PARD6G: variants seen among roughly 807,000 people sequenced by gnomAD.
PARD6G encodes par-6 family cell polarity regulator gamma.
Under a neutral mutation model 10.7 loss-of-function variants are expected in PARD6G, and 7 were observed. The observed-to-expected ratio is 0.66, with a 90% CI of 0.37 to 1.23. The LOEUF (loss-of-function observed/expected upper bound fraction) is 1.23, where lower values mean the gene tolerates loss of function less well. PARD6G is among the 50% of genes most tolerant of loss of function. The pLI, the probability that PARD6G is intolerant of heterozygous loss-of-function variation, is 0.02. For synonymous variants in PARD6G, 287 were observed against 269.4 expected, an observed-to-expected ratio of 1.07 and a Z score of -0.64; for missense variants, 548 against 571.8, an observed-to-expected ratio of 0.96 and a Z score of 0.42.
In PARD6G at chr18:80,202,778, T is replaced by C; in HGVS notation, c.227A>G (p.Asn76Ser). 2 of 1,613,574 alleles carry C rather than the reference T, an allele frequency of 1.2e-6. No individual in the cohort carries two copies. The highest frequency in any genetic ancestry group is 1.7e-6 in the Non-Finnish European group (2 of 1,179,774). The change falls in exon 2 of 3, where the codon AAT (asparagine) becomes AGT (serine). Residue 76 changes from asparagine to serine, a missense_variant. Transcript: ENST00000353265. ...DVHGDLLPIN[N>S]DDNFCKAVSS... ...AACCGCCTTGCAGAAGTTGTCATCA[T>C]TGTTGATGGGCAGCAGGTCTCCGTG...
intron 1 of PARD6G, among the ~76,000 whole-genome samples, chr18:80,230,671 G>T (rs1037661394): frequency 6.6e-6 from 1 of 152,206 alleles, no homozygotes; most frequent in African/African-American, 2.4e-5. Flanking sequence ...TGCCATTCTG[G>T]TTCATGCATG....
rs1388995321 is a variant in PARD6G at position 80,192,014 on chromosome 18, C to T, written c.295+10696G>A. Among the ~76,000 whole-genome samples the T allele has an allele frequency of 1.3e-5, 2 of 152,236 alleles. No homozygotes were observed. Among genetic ancestry groups the T allele is most frequent in the Admixed American group, 1.3e-4 (2 of 15,288 alleles). On this transcript the variant is annotated intron_variant, in intron 2 of 2. Coordinates refer to ENST00000353265, the MANE Select transcript of PARD6G (RefSeq NM_032510.4). This position sits in a 1 kb window ranked among gnomAD's most constrained non-coding sequence, Gnocchi z 4.9. Reference sequence around the variant, plus strand: ...TCTAAAATTGGTCAAAGGTGTCCAACTCCACCTTGATGATTCTGAACATCA... The same window carrying T: ...TCTAAAATTGGTCAAAGGTGTCCAATTCCACCTTGATGATTCTGAACATCA...
At chr18:80,211,497 T>C (rs1414956446) in intron 1 of PARD6G, among the ~76,000 whole-genome samples, 1 of 152,226 alleles carries the variant, frequency 6.6e-6, no homozygotes, top group Non-Finnish European at 1.5e-5. Flanking sequence ...TGAAAAACAA[T>C]ATGGCAGTTC....
At chr18:80,177,022 C>T (rs995739677) in intron 2 of PARD6G, among the ~76,000 whole-genome samples, 4 of 101,728 alleles carry the variant, frequency 3.9e-5, no homozygotes, top group African/African-American at 1.5e-4. Flanking sequence ...TGCGCGCGCG[C>T]GTGCACACAC....
intron 1 of PARD6G, among the ~76,000 whole-genome samples, chr18:80,236,961 GC>G (rs1449188891): frequency 1.1e-4 from 17 of 152,244 alleles, no homozygotes; most frequent in African/African-American, 4.1e-4. Flanking sequence ...TCCCCATCAA[GC>G]TACCAATGAC....
chr18:80,212,340 A>G (rs771440255), intron 1 of PARD6G, among the ~76,000 whole-genome samples: 1 of 152,258 alleles, frequency 6.6e-6, no homozygotes, highest in Non-Finnish European at 1.5e-5. Flanking sequence ...AGGTTGGAAA[A>G]TAAGTGAATG....
intron 1 of PARD6G, among the ~76,000 whole-genome samples, chr18:80,235,985 T>C (rs1004917320): frequency 6.6e-6 from 1 of 152,198 alleles, no homozygotes; most frequent in Admixed American, 6.5e-5. Context: ...GAGGGAATCC[T>C]CCCTAACTCA....
intron 1 of PARD6G, among the ~76,000 whole-genome samples, chr18:80,227,369 C>T (rs1215865651): frequency 1.3e-5 from 2 of 152,190 alleles, no homozygotes; most frequent in Non-Finnish European, 2.9e-5. Context: ...TGTTCCATGT[C>T]CCTTATAGAG....
chr18:80,160,225 C>G lies in PARD6G; in HGVS notation c.677G>C (p.Gly226Ala), dbSNP rs762244571. The G allele has an allele frequency of 1.2e-6, 2 of 1,613,164 alleles. No individual in the cohort carries two copies. The highest frequency in any genetic ancestry group is 1.7e-6 in the Non-Finnish European group (2 of 1,179,844). Residue 226 changes from glycine (G) to alanine (A), a missense_variant, in exon 3 of 3, where the codon GGG becomes GCG. Gly to Ala is a moderately conservative substitution (Grantham distance 60). Transcript: ENST00000353265. Reference protein sequence around the residue: ...VLEVNGIEVAGKTLDQVTDMM... With the variant: ...VLEVNGIEVAAKTLDQVTDMM... ...GTCCGTGACCTGGTCCAGCGTCTTCCCGGCCACCTCAATGCCGTTCACCTC... is the reference window on the plus strand; with the variant it reads ...GTCCGTGACCTGGTCCAGCGTCTTCGCGGCCACCTCAATGCCGTTCACCTC...
intron 1 of PARD6G, among the ~76,000 whole-genome samples, chr18:80,234,037 A>G (rs1382990206): frequency 1.3e-5 from 2 of 152,202 alleles, no homozygotes; most frequent in Non-Finnish European, 2.9e-5. Context: ...CCCAGGCTGA[A>G]GGTGGAGTGG....
intron 2 of PARD6G, among the ~76,000 whole-genome samples, chr18:80,167,371 C>T (rs2052743822): frequency 6.6e-6 from 1 of 152,100 alleles, no homozygotes; most frequent in Admixed American, 6.5e-5. Context: ...AACACATGGG[C>T]AGTGCTGAGG....
intron 1 of PARD6G, among the ~76,000 whole-genome samples, chr18:80,229,524 C>T (rs1375592741): frequency 1.3e-5 from 2 of 152,182 alleles, no homozygotes; most frequent in Non-Finnish European, 2.9e-5. Flanking sequence ...TTCCTTGAAC[C>T]AGAAGCATTC....
chr18:80,228,616 C>T lies in PARD6G; in HGVS notation c.72+18661G>A, dbSNP rs760640524. Among the ~76,000 whole-genome samples, 9 of 151,622 alleles carry T rather than the reference C, an allele frequency of 5.9e-5. No homozygotes were observed. The highest frequency in any genetic ancestry group is 9.7e-5 in the African/African-American group (4 of 41,234). ...CCTAAGATGCAGCCCTGAAGCCCCACCCCCATCCACAGACTGCGCCTCCCA... is the reference window on the plus strand; with the variant it reads ...CCTAAGATGCAGCCCTGAAGCCCCATCCCCATCCACAGACTGCGCCTCCCA... On this transcript the variant is annotated intron_variant, in intron 1 of 2. Transcript: ENST00000353265. The surrounding 1 kb of genome is among the most constrained non-coding windows in gnomAD (Gnocchi z 4.6).
rs1967327872 is a variant in PARD6G, at chr18:80,228,909, G to C, written c.72+18368C>G. ...TCAAACACATGAAAGCACATTTCCA[G>C]GTGGAGATATGATGAAGCTAACAGA... On this transcript the variant is annotated intron_variant, in intron 1 of 2. Coordinates refer to ENST00000353265, the MANE Select transcript of PARD6G (RefSeq NM_032510.4). This position sits in a 1 kb window ranked among gnomAD's most constrained non-coding sequence, Gnocchi z 4.6. Among the ~76,000 whole-genome samples the C allele has an allele frequency of 6.6e-6, 1 of 152,222 alleles. No individual in the cohort carries two copies. Among genetic ancestry groups the C allele is most frequent in the South Asian group, 2.1e-4 (1 of 4,828 alleles).
At chr18:80,206,068 C>T (rs190982371) in intron 1 of PARD6G, among the ~76,000 whole-genome samples, 1 of 152,276 alleles carries the variant, frequency 6.6e-6, no homozygotes, top group African/African-American at 2.4e-5. Flanking sequence ...AGCAACTAAC[C>T]TAAAACACAT....
At chr18:80,193,459 G>A (rs1254917409) in intron 2 of PARD6G, among the ~76,000 whole-genome samples, 1 of 152,190 alleles carries the variant, frequency 6.6e-6, no homozygotes, top group East Asian at 1.9e-4. Flanking sequence ...TTTAGGTACA[G>A]AGCTGTTTTT....
At chr18:80,164,904 G>T (rs2052725171) in intron 2 of PARD6G, among the ~76,000 whole-genome samples, 1 of 152,150 alleles carries the variant, frequency 6.6e-6, no homozygotes. Context: ...ACTAATAACG[G>T]TCTAACAAAG....
intron 1 of PARD6G, among the ~76,000 whole-genome samples, chr18:80,203,379 G>C (rs1046128821): frequency 6.6e-6 from 1 of 152,098 alleles, no homozygotes; most frequent in Non-Finnish European, 1.5e-5. Flanking sequence ...TTATAATACA[G>C]GAAGAGGGAC....
In PARD6G at chr18:80,161,965, A is replaced by G. The variant is rs2052703531; in HGVS notation, c.296-1359T>C. On this transcript the variant is annotated intron_variant, in intron 2 of 2. Transcript: ENST00000353265. This position sits in a 1 kb window ranked among gnomAD's most constrained non-coding sequence, Gnocchi z 4.6. Reference sequence around the variant, plus strand: ...AAATTACTTCCACCATGGAGGCAACATTCAGGCAGCTTGGAGAGGAGGCCA... The same window carrying G: ...AAATTACTTCCACCATGGAGGCAACGTTCAGGCAGCTTGGAGAGGAGGCCA... The G allele has an allele frequency of 6.6e-6, 1 of 152,372 alleles. No individual in the cohort carries two copies. Among genetic ancestry groups the G allele is most frequent in the Admixed American group, 6.5e-5 (1 of 15,294 alleles). The allele number at this position is 152,372 out of a possible 1,614,324, so 9.4% of individuals were successfully genotyped here. A position where few individuals can be genotyped will look rare whatever the true frequency, so the allele number is the denominator to read the frequency against.
Sources: gnomAD v4.1 joint callset for allele counts (sites outside exome capture counted in the v4.1 genomes callset) on GRCh38, gnomAD v4.1.1 for gene constraint, Gnocchi (gnomAD v3.1) non-coding constraint, MANE v1.5 for transcripts, NCBI Gene and HGNC (gene_info 2026-07-23, HGNC 2026-07-21) for gene names.